The following C8orf89 variants were observed in gnomAD, a reference collection of about 807,000 sequenced individuals.
The protein encoded by C8orf89 is chromosome 8 open reading frame 89.
C8orf89 carries 14 observed loss-of-function variants against 15.8 expected under a neutral mutation model. The observed-to-expected ratio is 0.89, with a 90% CI of 0.59 to 1.39. The LOEUF (loss-of-function observed/expected upper bound fraction) is 1.39. Among genes scored for constraint, C8orf89 ranks in the 40% most tolerant of loss-of-function variants. The pLI is 0.00. For synonymous variants in C8orf89, 55 were observed against 62.2 expected, an observed-to-expected ratio of 0.88 and a Z score of 0.54; for missense variants, 181 against 184.5, an observed-to-expected ratio of 0.98 and a Z score of 0.11.
chr8:73,256,470 C>T (rs1002061660), intron 2 of C8orf89, among the ~76,000 whole-genome samples: 1 of 151,944 alleles, frequency 6.6e-6, no homozygotes, highest in African/African-American at 2.4e-5. Flanking sequence ...TGGCTCACGC[C>T]TGTAATCCCA....
chr8:73,243,686 T>C (rs1813059369), intron 3 of C8orf89, among the ~76,000 whole-genome samples: 1 of 152,026 alleles, frequency 6.6e-6, no homozygotes, highest in East Asian at 1.9e-4. Context: ...TGTGCCATCA[T>C]GCCCAGCTAG....
the C8orf89 span, chr8:73,277,291 G>T: frequency 1.7e-6 from 1 of 586,982 alleles, no homozygotes; most frequent in East Asian, 2.7e-5. Flanking sequence ...GACACAAGTG[G>T]GAGCAACACA....
At chr8:73,278,073 T>C in the C8orf89 span, 3 of 428,678 alleles carry the variant, frequency 7.0e-6, no homozygotes, top group African/African-American at 2.0e-5. Context: ...AACTCTCAGC[T>C]CTGCTCCTTG....
At chr8:73,245,008 G>A (rs541394598) in intron 3 of C8orf89, among the ~76,000 whole-genome samples, 1 of 152,302 alleles carries the variant, frequency 6.6e-6, no homozygotes, top group East Asian at 1.9e-4. Flanking sequence ...AGTTCCACAT[G>A]GCTGGGGAGG....
At chr8:73,265,561 C>T in the C8orf89 span, among the ~76,000 whole-genome samples, 100 of 152,238 alleles carry the variant, frequency 6.6e-4, 1 homozygote, top group African/African-American at 2.1e-3. Context: ...TTTATAGAGT[C>T]GTTGCTGGGC....
the C8orf89 span, among the ~76,000 whole-genome samples, chr8:73,264,536 G>A: frequency 6.6e-6 from 1 of 152,248 alleles, no homozygotes; most frequent in South Asian, 2.1e-4. Flanking sequence ...TGTCACCCAG[G>A]CTGGAGTGCA....
At chr8:73,248,108 A>G (rs535334621) in intron 3 of C8orf89, among the ~76,000 whole-genome samples, 1 of 152,026 alleles carries the variant, frequency 6.6e-6, no homozygotes, top group South Asian at 2.1e-4. Flanking sequence ...TCTTGAGTTG[A>G]TTTTTGTATA....
chr8:73,277,858 A>G, the C8orf89 span: 1 of 702,014 alleles, frequency 1.4e-6, no homozygotes, highest in Non-Finnish European at 2.7e-6. Flanking sequence ...TTGCTTTCAA[A>G]GTCCTTGGTT....
At chr8:73,254,490 G>A (rs967212271) in intron 2 of C8orf89, among the ~76,000 whole-genome samples, 2 of 152,154 alleles carry the variant, frequency 1.3e-5, no homozygotes, top group East Asian at 3.8e-4. Flanking sequence ...AGGCATTCAG[G>A]GAATGAGGCC....
At chr8:73,282,112 C>T in the C8orf89 span, among the ~76,000 whole-genome samples, 1 of 152,202 alleles carries the variant, frequency 6.6e-6, no homozygotes, top group Non-Finnish European at 1.5e-5. Flanking sequence ...ATACATGTGA[C>T]TTTTTATTCT....
At position 73,259,365 on chromosome 8, in the gene C8orf89, T is replaced by TGG. The variant is rs1244018390; in HGVS notation, c.93_94insCC (p.Lys32ProfsTer5). 1.3e-6 allele frequency: 2 copies of TGG among 1,521,820 alleles called. No individual in the cohort carries two copies. Among genetic ancestry groups the TGG allele is most frequent in the Non-Finnish European group, 1.8e-6 (2 of 1,134,878 alleles). 94.3% of individuals were successfully genotyped at this position (1,521,820 alleles called of 1,614,324 possible). A position where few individuals can be genotyped will look rare whatever the true frequency, so the allele number is the denominator to read the frequency against. On this transcript the variant is annotated frameshift_variant, in exon 1 of 4. Coordinates refer to ENST00000624510, the MANE Select transcript of C8orf89 (RefSeq NM_001243237.3). LOFTEE classifies it high-confidence loss of function. ...ATCTTTTGTGTTTCTAAAACTGCTT[T>TGG]CTTCCAACTACTCTCAAAAATCAAA...
chr8:73,249,813 A>G (rs1009709648), intron 3 of C8orf89, among the ~76,000 whole-genome samples: 2 of 152,180 alleles, frequency 1.3e-5, no homozygotes, highest in African/African-American at 4.8e-5. Flanking sequence ...AGGATTCACA[A>G]AAATAGCAAT....
chr8:73,244,933 G>T (rs1036120619), intron 3 of C8orf89, among the ~76,000 whole-genome samples: 1 of 152,148 alleles, frequency 6.6e-6, no homozygotes, highest in African/African-American at 2.4e-5. Flanking sequence ...CCATTTTTAT[G>T]CTGCTGATAA....
chr8:73,247,704 C>CT (rs1813157064), intron 3 of C8orf89, among the ~76,000 whole-genome samples: 1 of 151,944 alleles, frequency 6.6e-6, no homozygotes, highest in Admixed American at 6.6e-5. Context: ...TGATGTTGAG[C>CT]TTTTTTTTCA....
the C8orf89 span, among the ~76,000 whole-genome samples, chr8:73,285,109 T>A: frequency 6.6e-6 from 1 of 152,148 alleles, no homozygotes; most frequent in African/African-American, 2.4e-5. Flanking sequence ...GTTTTAACAG[T>A]CTAACTGGGT....
At chr8:73,276,138 T>G in the C8orf89 span, among the ~76,000 whole-genome samples, 1 of 151,994 alleles carries the variant, frequency 6.6e-6, no homozygotes, top group Admixed American at 6.6e-5. Flanking sequence ...TTATTATTAG[T>G]TGTATCAGAA....
At chr8:73,254,860 A>G (rs925208055) in intron 2 of C8orf89, among the ~76,000 whole-genome samples, 1 of 152,226 alleles carries the variant, frequency 6.6e-6, no homozygotes, top group African/African-American at 2.4e-5. Context: ...AAAAATAAGC[A>G]ATGGGGAAAG....
chr8:73,284,118 A>G, the C8orf89 span, among the ~76,000 whole-genome samples: 1 of 151,972 alleles, frequency 6.6e-6, no homozygotes, highest in African/African-American at 2.4e-5. Flanking sequence ...ACCAATCTCA[A>G]TGAGGAATGG....
chr8:73,255,103 C>A (rs1371863201), intron 2 of C8orf89, among the ~76,000 whole-genome samples: 7 of 151,758 alleles, frequency 4.6e-5, no homozygotes, highest in African/African-American at 1.5e-4. Flanking sequence ...GCAACAAAAG[C>A]CAAAATTGAC....
Sources: gnomAD v4.1 joint callset for allele counts (sites outside exome capture counted in the v4.1 genomes callset) on GRCh38, gnomAD v4.1.1 for gene constraint, MANE v1.5 for transcripts, NCBI Gene and HGNC (gene_info 2026-07-23, HGNC 2026-07-21) for gene names.